Variants in CLCN5 observed in about 807,000 individuals in gnomAD.
The protein encoded by CLCN5 is Cl-/H+ antiporter 5.
A neutral mutation model predicts 54.0 loss-of-function variants in CLCN5; 17 were observed. The ratio of observed to expected loss-of-function variants is 0.31; its 90% CI spans 0.22 to 0.47. The LOEUF (loss-of-function observed/expected upper bound fraction) is 0.47. Ranked by LOEUF, CLCN5 falls within the 20% of genes least tolerant of loss-of-function variation. The pLI is 1.00. For missense variants in CLCN5, 448 were observed against 646.7 expected (o/e 0.69, Z 3.33); for synonymous variants, 222 against 233.0 (o/e 0.95, Z 0.43).
intron 3 of CLCN5, among the ~76,000 whole-genome samples, chrX:50,029,276 A>G (rs1557185475): frequency 9.2e-6 from 1 of 108,786 alleles, no homozygotes; most frequent in African/African-American, 3.4e-5. Flanking sequence ...AGCATTAGGT[A>G]TATCTCCTAA....
At chrX:50,057,435 T>C (rs1387798418) in intron 4 of CLCN5, among the ~76,000 whole-genome samples, 1 of 53,992 alleles carries the variant, frequency 1.9e-5, no homozygotes, top group African/African-American at 7.4e-5. Flanking sequence ...CTCTCCTGGA[T>C]AGATACTATC....
At chrX:50,055,797 A>G (rs1932724407) in intron 4 of CLCN5, among the ~76,000 whole-genome samples, 1 of 111,420 alleles carries the variant, frequency 9.0e-6, no homozygotes, top group South Asian at 3.8e-4. Flanking sequence ...ACATATACAG[A>G]CACACATTTA....
intron 4 of CLCN5, 71 bp from the exon 5 acceptor site, chrX:50,069,808 G>A: frequency 9.0e-7 from 1 of 1,111,668 alleles, no homozygotes; most frequent in Non-Finnish European, 1.2e-6. Context: ...CCGCCTTTTG[G>A]AACCAAAAAG....
intron 3 of CLCN5, among the ~76,000 whole-genome samples, chrX:49,986,523 T>C (rs1929003308): frequency 8.9e-6 from 1 of 112,015 alleles, no homozygotes; most frequent in Non-Finnish European, 1.9e-5. Flanking sequence ...GCTGAACGTA[T>C]ATAAAGATTT....
chrX:50,081,760 C>T lies in CLCN5; in HGVS notation c.846C>T (p.Gly282=). 1.7e-6 allele frequency: 2 copies of T among 1,210,996 alleles called. No individual in the cohort carries two copies. Among genetic ancestry groups the T allele is most frequent in the Non-Finnish European group, 2.2e-6 (2 of 894,884 alleles). Residue 282 remains glycine (G), a synonymous_variant, in exon 9 of 15, where the codon GGC becomes GGT. Transcript: ENST00000376091. ...CTGGCTTGAGCCTGGGCAAAGAGGG[C>T]CCTCTAGTGCACGTGGCTTGCTGCT... ...VSSGLSLGKE[G]PLVHVACCCG...
chrX:49,974,382 A>G (rs1435699607), intron 3 of CLCN5, among the ~76,000 whole-genome samples: 4 of 106,811 alleles, frequency 3.7e-5, no homozygotes, highest in African/African-American at 1.4e-4. Flanking sequence ...GCTCCATTTT[A>G]TTGACCTTCC....
intron 3 of CLCN5, among the ~76,000 whole-genome samples, chrX:50,010,197 T>TTTTC (rs1214008535): frequency 9.0e-6 from 1 of 110,737 alleles, no homozygotes; most frequent in African/African-American, 3.3e-5. Context: ...TTTCTCTTTC[T>TTTTC]TTTCTTTCTT....
rs140725519 is a variant in CLCN5 at position 50,086,157 on chromosome X, G to A, written c.1014+97G>A. The A allele has an allele frequency of 1.6e-3, 1,392 of 855,510 alleles. 8 individuals are homozygous for A. The African/African-American group carries it at 0.025, about 15-fold the overall frequency. 70.5% of individuals were successfully genotyped at this position (855,510 alleles called of 1,213,427 possible). ...TTTGTACATAATGTACAATATCTGT[G>A]TATATCCCAGTCCCTGAGTGCTCTC... On this transcript the variant is annotated intron_variant, in intron 10 of 14. Transcript: ENST00000376091.
At chrX:50,048,127 CTG>C (rs1252388540) in intron 4 of CLCN5, among the ~76,000 whole-genome samples, 1 of 112,073 alleles carries the variant, frequency 8.9e-6, no homozygotes, top group African/African-American at 3.2e-5. Flanking sequence ...TGAGATGAAA[CTG>C]TTCCACCTCA....
chrX:49,951,379 C>T (rs1354902204), intron 3 of CLCN5, among the ~76,000 whole-genome samples: 1 of 111,746 alleles, frequency 8.9e-6, no homozygotes, highest in Non-Finnish European at 1.9e-5. Context: ...CTAATGTTTG[C>T]ATTATTAAGG....
At chrX:49,925,665 T>G (rs1478815445) in intron 3 of CLCN5, among the ~76,000 whole-genome samples, 1 of 112,111 alleles carries the variant, frequency 8.9e-6, no homozygotes, top group African/African-American at 3.2e-5. Flanking sequence ...TATCATAAGA[T>G]TCCCCACCAT....
At position 50,086,572 on chromosome X, in the gene CLCN5, C is replaced by G; in HGVS notation, c.1259C>G (p.Thr420Ser). ...GCCTGGTGTCGGAAGCGAAAGACCA[C>G]CCAGTTGGGCAAGTATCCTGTTATA... ...NIAWCRKRKT[T>S]QLGKYPVIEV... Residue 420 changes from threonine (T) to serine (S), a missense_variant, in exon 11 of 15, where the codon ACC becomes AGC. Around this residue, in one of 5 missense-constraint regions of CLCN5, gnomAD observed 297 missense variants for 470.4 expected, o/e 0.63. Coordinates refer to ENST00000376091, the MANE Select transcript of CLCN5 (RefSeq NM_001127898.4). 8.3e-7 allele frequency: 1 copy of G among 1,211,021 alleles called. No homozygotes were observed. The highest frequency in any genetic ancestry group is 1.1e-6 in the Non-Finnish European group (1 of 895,298).
intron 4 of CLCN5, among the ~76,000 whole-genome samples, chrX:50,048,424 G>A (rs1021352313): frequency 4.4e-5 from 5 of 112,820 alleles, no homozygotes; most frequent in South Asian, 3.6e-4. Flanking sequence ...ACCTCCATGA[G>A]GGTGAAATAT....
Position 50,042,509 on chromosome X carries a change from T to C in CLCN5, c.163+47T>C, listed in dbSNP as rs530331650. ...ATTTATCTTAATTTTTTAAAATTTA[T>C]GTACAATAAAATTTTATTTTTTTTT... is the stretch of plus-strand genomic sequence containing the variant. On this transcript the variant is annotated intron_variant, in intron 4 of 14. Coordinates refer to ENST00000376091, the MANE Select transcript of CLCN5 (RefSeq NM_001127898.4). The C allele has an allele frequency of 3.0e-5, 26 of 869,368 alleles. No individual in the cohort carries two copies. The South Asian group carries it at 1.0e-3, about 33-fold the overall frequency. The allele number at this position is 869,368 out of a possible 1,213,427, so 71.6% of individuals were successfully genotyped here.
rs1925121787 is a variant in CLCN5 at position 49,922,750 on chromosome X, C to A, written c.-247C>A. 8.8e-6 allele frequency: 1 copy of A among 113,265 alleles called. No individual in the cohort carries two copies. The highest frequency in any genetic ancestry group is 3.2e-5 in the African/African-American group (1 of 31,229). The allele number at this position is 113,265 out of a possible 1,213,427, so 9.3% of individuals were successfully genotyped here. A position where few individuals can be genotyped will look rare whatever the true frequency, so the allele number is the denominator to read the frequency against. ...AGAGCCGACCGAGCGCGCTGCCCAC[C>A]GGCGGCGGACACGGGCTCCGCCGCT... On this transcript the variant is annotated 5_prime_UTR_variant, in exon 1 of 15. Transcript: ENST00000376091.
intron 3 of CLCN5, among the ~76,000 whole-genome samples, chrX:49,984,167 G>T (rs1470565827): frequency 9.0e-6 from 1 of 111,509 alleles, no homozygotes; most frequent in Non-Finnish European, 1.9e-5. Flanking sequence ...TGAATTTTTA[G>T]ATTTTTTACC....
rs1324452497 is a variant in CLCN5, at chrX:50,097,886, C to T, written c.*5667C>T. On this transcript the variant is annotated 3_prime_UTR_variant, in exon 15 of 15. Coordinates refer to ENST00000376091, the MANE Select transcript of CLCN5 (RefSeq NM_001127898.4). ...TGCTAAACTATATTACTTACTAGTA[C>T]AAATCTGTTGGAATTCAGGGGCAGT... 2.7e-5 allele frequency: 3 copies of T among 112,449 alleles called. No individual in the cohort carries two copies. Among genetic ancestry groups the T allele is most frequent in the African/African-American group, 9.7e-5 (3 of 30,841 alleles). 9.3% of individuals were successfully genotyped at this position (112,449 alleles called of 1,213,427 possible).
chrX:50,072,639 T>C (rs1471948467), intron 6 of CLCN5, 51 bp downstream of exon 6: 3 of 934,756 alleles, frequency 3.2e-6, no homozygotes, highest in African/African-American at 1.9e-5. Flanking sequence ...TTGTGGTATG[T>C]CTCTCCCGTA....
rs1287994856 is a variant in CLCN5 at position 50,098,747 on chromosome X, C to G, written c.*6528C>G. 8.8e-6 allele frequency: 1 copy of G among 113,019 alleles called. No individual in the cohort carries two copies. Among genetic ancestry groups the G allele is most frequent in the Non-Finnish European group, 1.9e-5 (1 of 53,399 alleles). The allele number at this position is 113,019 out of a possible 1,213,427, so 9.3% of individuals were successfully genotyped here. On this transcript the variant is annotated 3_prime_UTR_variant, in exon 15 of 15. Coordinates refer to ENST00000376091, the MANE Select transcript of CLCN5 (RefSeq NM_001127898.4). ...CTAGCCCTTAGCCATGCTTTCTTAGCTTTATTCTCGCCTGTTCCTAGGCAT... is the reference window on the plus strand; with the variant it reads ...CTAGCCCTTAGCCATGCTTTCTTAGGTTTATTCTCGCCTGTTCCTAGGCAT...
Sources: gnomAD v4.1 joint callset for allele counts (sites outside exome capture counted in the v4.1 genomes callset) on GRCh38, gnomAD v4.1.1 for gene constraint, gnomAD v4.1.1 regional missense constraint, MANE v1.5 for transcripts, NCBI Gene and HGNC (gene_info 2026-07-23, HGNC 2026-07-21) for gene names.